CRNKL1: variants seen among roughly 807,000 people sequenced by gnomAD.
The protein encoded by CRNKL1 is crooked neck pre-mRNA splicing factor 1, also known as crooked neck-like protein 1.
CRNKL1 carries 35 observed loss-of-function variants against 103.7 expected under a neutral mutation model. The observed-to-expected ratio is 0.34, with a 90% CI of 0.26 to 0.45. The LOEUF is 0.45. CRNKL1 is among the 20% of genes least tolerant of loss of function. The pLI is 1.00. For missense variants in CRNKL1, 645 were observed against 836.0 expected, an observed-to-expected ratio of 0.77 and a Z score of 2.82; for synonymous variants, 267 against 282.6, an observed-to-expected ratio of 0.94 and a Z score of 0.55.
intron 5 of CRNKL1, 77 bp from the exon 6 acceptor site, chr20:20,045,563 T>A: frequency 7.6e-7 from 1 of 1,317,676 alleles, no homozygotes; most frequent in South Asian, 1.5e-5. Flanking sequence ...ACCAAAACCA[T>A]ACCAAAGCCT....
rs556803883 is a variant in CRNKL1 at position 20,037,129 on chromosome 20, G to A, written c.1896+194C>T. On this transcript the variant is annotated intron_variant, in intron 13 of 13. Coordinates refer to ENST00000536226, the MANE Select transcript of CRNKL1 (RefSeq NM_001278628.2). ...AAAACACCTTTGCCAACCCCTTCCC[G>A]TTCTCCACCTCTGACTGGACCATAT... 5.3e-5 allele frequency among the ~76,000 whole-genome samples: 8 copies of A among 152,088 alleles called. No homozygotes were observed. The East Asian group carries it at 9.6e-4, about 18-fold the overall frequency.
chr20:20,042,280 A>G (rs906135495), intron 8 of CRNKL1, 45 bp downstream of exon 8: 3 of 1,502,250 alleles, frequency 2.0e-6, no homozygotes, highest in Non-Finnish European at 2.7e-6. Flanking sequence ...TGAATACAGA[A>G]GACAGGAAAC....
At chr20:20,054,170 A>C (rs1242124733), upstream of CRNKL1, among the ~76,000 whole-genome samples, 1 of 151,504 alleles carries the variant, frequency 6.6e-6, no homozygotes, top group African/African-American at 2.4e-5. Flanking sequence ...AGAATATACC[A>C]TCTCCTAGTT....
Position 20,048,048 on chromosome 20 carries a change from G to T in CRNKL1, c.456-117C>A, listed in dbSNP as rs1036690213. On this transcript the variant is annotated intron_variant, in intron 4 of 13. Coordinates refer to ENST00000536226, the MANE Select transcript of CRNKL1 (RefSeq NM_001278628.2). ...TTAAATCAAACATGTTTTGTCATTT[G>T]TATGTAAATCTGAAAAAGGATGAAC... The T allele has an allele frequency of 3.1e-6, 4 of 1,278,994 alleles. No homozygotes were observed. The African/African-American group carries it at 6.0e-5, about 19-fold the overall frequency. The allele number at this position is 1,278,994 out of a possible 1,614,324, so 79.2% of individuals were successfully genotyped here.
chr20:20,047,297 T>A (rs145121914), intron 5 of CRNKL1, among the ~76,000 whole-genome samples: 1 of 152,366 alleles, frequency 6.6e-6, no homozygotes, highest in African/African-American at 2.4e-5. Context: ...TTTTTTTGCT[T>A]ATTATTCCTT....
chr20:20,037,507 C>T lies in CRNKL1; in HGVS notation c.1712G>A (p.Arg571Lys). ...SGKEGSLTKC[R>K]QIYEEANKTM... ...TTTGTTAGCTTCTTCATAAATTTGT[C>T]TGCATTTAGTCAAACTTCCTTCTTT... is the stretch of plus-strand genomic sequence containing the variant. The change falls in exon 13 of 14, where the codon AGA (arginine) becomes AAA (lysine). Residue 571 changes from arginine (R) to lysine (K), a missense_variant. Physicochemically the swap from Arg to Lys is conservative, Grantham distance 26 (BLOSUM62 2). Coordinates refer to ENST00000536226, the MANE Select transcript of CRNKL1 (RefSeq NM_001278628.2). The T allele has an allele frequency of 6.2e-7, 1 of 1,614,106 alleles. No individual in the cohort carries two copies. The highest frequency in any genetic ancestry group is 8.5e-7 in the Non-Finnish European group (1 of 1,180,016).
chr20:20,038,339 G>A lies in CRNKL1; in HGVS notation c.1647+10C>T. ...AGCAAAATGAAAGATCATCTACAAAGCAAGGATACCTTGACATGCTGCGTC... is the reference window on the plus strand; with the variant it reads ...AGCAAAATGAAAGATCATCTACAAAACAAGGATACCTTGACATGCTGCGTC... On this transcript the variant is annotated intron_variant, in intron 12 of 13. Coordinates refer to ENST00000536226, the MANE Select transcript of CRNKL1 (RefSeq NM_001278628.2). 1 of 1,514,962 alleles carries A rather than the reference G, an allele frequency of 6.6e-7. No individual in the cohort carries two copies. Among genetic ancestry groups the A allele is most frequent in the African/African-American group, 1.4e-5 (1 of 72,188 alleles). The allele number at this position is 1,514,962 out of a possible 1,614,324, so 93.8% of individuals were successfully genotyped here.
At chr20:20,055,896 C>T, upstream of CRNKL1, 1 of 1,363,456 alleles carries the variant, frequency 7.3e-7, no homozygotes, top group Admixed American at 1.7e-5. Flanking sequence ...AGAAGAGAGA[C>T]TTACAGAAAT....
At chr20:20,047,715 G>A in intron 5 of CRNKL1, 50 bp downstream of exon 5, 1 of 1,567,170 alleles carries the variant, frequency 6.4e-7, no homozygotes, top group Non-Finnish European at 8.7e-7. Flanking sequence ...AGGAGCAGCA[G>A]CAGCATCCAG....
At position 20,049,261 on chromosome 20, in the gene CRNKL1, T is replaced by C. The variant is rs559354657; in HGVS notation, c.296+79A>G. 4 of 873,990 alleles carry C rather than the reference T, an allele frequency of 4.6e-6. No individual in the cohort carries two copies. The African/African-American group carries it at 5.0e-5, about 11-fold the overall frequency. 54.1% of individuals were successfully genotyped at this position (873,990 alleles called of 1,614,324 possible). A position where few individuals can be genotyped will look rare whatever the true frequency, so the allele number is the denominator to read the frequency against. Reference sequence around the variant, plus strand: ...GAGGCACAATCTTTTACCTGTGCTTTAACTTTTTCTTCTTTTCTTTTTGGT... The same window carrying C: ...GAGGCACAATCTTTTACCTGTGCTTCAACTTTTTCTTCTTTTCTTTTTGGT... On this transcript the variant is annotated intron_variant, in intron 3 of 13. Coordinates refer to ENST00000536226, the MANE Select transcript of CRNKL1 (RefSeq NM_001278628.2).
Position 20,034,882 on chromosome 20 carries a change from T to C in CRNKL1, c.*1313A>G, listed in dbSNP as rs1163006081. 3 of 152,236 alleles carry C rather than the reference T, an allele frequency of 2.0e-5. No homozygotes were observed. Among genetic ancestry groups the C allele is most frequent in the Admixed American group, 1.3e-4 (2 of 15,286 alleles). The allele number at this position is 152,236 out of a possible 1,614,324, so 9.4% of individuals were successfully genotyped here. On this transcript the variant is annotated 3_prime_UTR_variant, in exon 14 of 14. Coordinates refer to ENST00000536226, the MANE Select transcript of CRNKL1 (RefSeq NM_001278628.2). Reference sequence around the variant, plus strand: ...GGGTGAATAAGATGTGCACATTTAATAATAAATTTGCTTACTAAAGGTCCT... The same window carrying C: ...GGGTGAATAAGATGTGCACATTTAACAATAAATTTGCTTACTAAAGGTCCT...
chr20:20,047,656 T>G, intron 5 of CRNKL1, 109 bp downstream of exon 5: 2 of 1,104,668 alleles, frequency 1.8e-6, no homozygotes, highest in East Asian at 2.6e-5. Flanking sequence ...ATTCTTGACT[T>G]TGAGCCTGAC....
rs544797858 is a variant in CRNKL1, at chr20:20,036,444, C to T, written c.1897-82G>A. On this transcript the variant is annotated intron_variant, in intron 13 of 13. Transcript: ENST00000536226. ...GAGTGAAGAATTTTTACTGGAAATCCGGATGATTACCTCCATTTTACAAAA... is the reference window on the plus strand; with the variant it reads ...GAGTGAAGAATTTTTACTGGAAATCTGGATGATTACCTCCATTTTACAAAA... 90 of 1,273,784 alleles carry T rather than the reference C, an allele frequency of 7.1e-5. No individual in the cohort carries two copies. The African/African-American group carries it at 8.0e-4, about 11-fold the overall frequency. The allele number at this position is 1,273,784 out of a possible 1,614,324, so 78.9% of individuals were successfully genotyped here. A position where few individuals can be genotyped will look rare whatever the true frequency, so the allele number is the denominator to read the frequency against.
Position 20,045,502 on chromosome 20 carries a change from G to A in CRNKL1, c.623-16C>T. 1 of 1,574,064 alleles carries A rather than the reference G, an allele frequency of 6.4e-7. No individual in the cohort carries two copies. Among genetic ancestry groups the A allele is most frequent in the Non-Finnish European group, 8.7e-7 (1 of 1,156,052 alleles). The stretch of plus-strand genomic sequence containing the variant: ...ACGAGGACAAGTGCAAGGGAATTAA[G>A]GAAATCCCAGGCAAAACAGCATGGC... On this transcript the variant is annotated splice_polypyrimidine_tract_variant and intron_variant, in intron 5 of 13. Transcript: ENST00000536226.
At chr20:20,049,029 A>AT (rs937457612) in intron 3 of CRNKL1, among the ~76,000 whole-genome samples, 1 of 111,498 alleles carries the variant, frequency 9.0e-6, no homozygotes, top group Non-Finnish European at 1.6e-5. Flanking sequence ...CATTGGTTTT[A>AT]TTTTTTTTGG....
chr20:20,046,264 T>C (rs1434427441), intron 5 of CRNKL1, among the ~76,000 whole-genome samples: 1 of 152,212 alleles, frequency 6.6e-6, no homozygotes, highest in African/African-American at 2.4e-5. Context: ...ACAGAGAAGT[T>C]CCTACACTGC....
intron 10 of CRNKL1, 151 bp downstream of exon 10, chr20:20,040,535 G>C (rs2146487669): frequency 1.6e-6 from 1 of 639,956 alleles, no homozygotes; most frequent in South Asian, 1.8e-5. Context: ...TGTTTTTACA[G>C]AGGACGCATG....
intron 1 of CRNKL1, among the ~76,000 whole-genome samples, chr20:20,052,056 C>T (rs2043761170): frequency 6.6e-6 from 1 of 152,164 alleles, no homozygotes; most frequent in African/African-American, 2.4e-5. Context: ...AAATCTTCAC[C>T]GAACCACCCC....
At chr20:20,052,589 G>T, upstream of CRNKL1, 1 of 1,613,852 alleles carries the variant, frequency 6.2e-7, no homozygotes, top group East Asian at 2.2e-5. Context: ...AGCTGCGGAT[G>T]AGGTGGGTAA....
Sources: allele counts gnomAD v4.1 joint callset (sites outside exome capture counted in the v4.1 genomes callset), GRCh38; gene constraint gnomAD v4.1.1; transcripts MANE v1.5; gene names NCBI Gene and HGNC (gene_info 2026-07-23, HGNC 2026-07-21).